PRKG1: variants seen among roughly 807,000 people sequenced by gnomAD.
PRKG1 encodes the protein protein kinase cGMP-dependent 1.
A neutral mutation model predicts 88.1 loss-of-function variants in PRKG1; 35 were observed. That is an observed-to-expected ratio of 0.40 (90% CI 0.30 to 0.53). PRKG1 has a LOEUF of 0.53. Among genes scored for constraint, PRKG1 ranks in the 20% least tolerant of loss-of-function variants. The pLI, the probability that PRKG1 is intolerant of heterozygous loss-of-function variation, is 0.59. For synonymous variants in PRKG1, 303 were observed against 292.5 expected (o/e 1.04, Z -0.37); for missense variants, 540 against 839.8 (o/e 0.64, Z 4.41).
intron 3 of PRKG1, among the ~76,000 whole-genome samples, chr10:51,630,405 C>A (rs1197369238): frequency 6.6e-6 from 1 of 152,190 alleles, no homozygotes; most frequent in Admixed American, 6.5e-5. Flanking sequence ...GAAGCAACCT[C>A]TTTGACCTGG....
chr10:51,598,659 A>G (rs753917606), intron 3 of PRKG1, among the ~76,000 whole-genome samples: 1 of 152,338 alleles, frequency 6.6e-6, no homozygotes, highest in African/African-American at 2.4e-5. Flanking sequence ...TAAAATATTC[A>G]GTGGTCCCAG....
intron 3 of PRKG1, among the ~76,000 whole-genome samples, chr10:51,551,733 G>A (rs1837140878): frequency 1.3e-5 from 2 of 151,818 alleles, no homozygotes; most frequent in Non-Finnish European, 3.0e-5. Flanking sequence ...ACTAATAATT[G>A]AGTGAGACTC....
At chr10:51,118,429 G>T (rs1431517382) in intron 1 of PRKG1, among the ~76,000 whole-genome samples, 1 of 152,086 alleles carries the variant, frequency 6.6e-6, no homozygotes, top group Non-Finnish European at 1.5e-5. Flanking sequence ...TAAAAGTAAT[G>T]TTTGAATTCA....
intron 5 of PRKG1, among the ~76,000 whole-genome samples, chr10:51,913,020 C>T (rs1252493159): frequency 1.3e-5 from 2 of 152,068 alleles, no homozygotes; most frequent in Admixed American, 1.3e-4. Context: ...CCTTCATCGC[C>T]CCGTTTCAAG....
chr10:51,702,463 A>T (rs1005501990), intron 3 of PRKG1, among the ~76,000 whole-genome samples: 1 of 152,180 alleles, frequency 6.6e-6, no homozygotes, highest in Non-Finnish European at 1.5e-5. Flanking sequence ...AAGAACATCC[A>T]TTTTTATACT....
intron 2 of PRKG1, among the ~76,000 whole-genome samples, chr10:51,228,070 T>C (rs954038510): frequency 1.3e-5 from 2 of 152,194 alleles, no homozygotes; most frequent in African/African-American, 2.4e-5. Context: ...GACCTAGACT[T>C]CAGATTTACA....
intron 2 of PRKG1, among the ~76,000 whole-genome samples, chr10:51,199,983 A>G (rs1356552065): frequency 1.3e-5 from 2 of 152,188 alleles, no homozygotes; most frequent in African/African-American, 4.8e-5. Context: ...TTAACAATAT[A>G]AGTCGGGTAA....
In PRKG1 at chr10:51,785,029, CT is replaced by C. The variant is rs549186325; in HGVS notation, c.593-19553del. ...CTAGGGTTGTTATTCTTTCTTCCTT[CT>C]TTAGGCCATAAAATTGCAATTTGAT... On this transcript the variant is annotated intron_variant, in intron 3 of 17. Coordinates refer to ENST00000373980, the MANE Select transcript of PRKG1 (RefSeq NM_006258.4). 4.0e-4 allele frequency among the ~76,000 whole-genome samples: 61 copies of C among 151,170 alleles called. No homozygotes were observed. In the South Asian group the frequency reaches 0.012, roughly 31 times the overall value.
intron 3 of PRKG1, among the ~76,000 whole-genome samples, chr10:51,534,071 T>C (rs763953144): frequency 2.0e-5 from 3 of 152,052 alleles, no homozygotes; most frequent in Non-Finnish European, 2.9e-5. Context: ...GAAATAGGAT[T>C]TGGGCCAAAG....
intron 1 of PRKG1, among the ~76,000 whole-genome samples, chr10:51,080,425 G>C (rs1844077640): frequency 7.1e-6 from 1 of 140,486 alleles, no homozygotes; most frequent in South Asian, 2.1e-4. Context: ...AGGTTATAAG[G>C]CATATGGACA....
intron 2 of PRKG1, among the ~76,000 whole-genome samples, chr10:51,361,936 A>G (rs1842489864): frequency 6.6e-6 from 1 of 151,858 alleles, no homozygotes; most frequent in Non-Finnish European, 1.5e-5. Context: ...GAAACATAGC[A>G]TTATTTAGAA....
At chr10:51,299,416 G>C (rs532275477) in intron 2 of PRKG1, among the ~76,000 whole-genome samples, 1 of 152,208 alleles carries the variant, frequency 6.6e-6, no homozygotes, top group South Asian at 2.1e-4. Context: ...ATGTTGGCCA[G>C]GCTGGTCTTG....
At chr10:51,748,073 C>T (rs1837626166) in intron 3 of PRKG1, among the ~76,000 whole-genome samples, 1 of 152,076 alleles carries the variant, frequency 6.6e-6, no homozygotes, top group African/African-American at 2.4e-5. Flanking sequence ...AATATGATTA[C>T]CAAGTATATA....
Position 52,280,938 on chromosome 10 carries a change from C to T in PRKG1, c.1545+8C>T, listed in dbSNP as rs1183632417. 1 of 1,611,396 alleles carries T rather than the reference C, an allele frequency of 6.2e-7. No individual in the cohort carries two copies. The highest frequency in any genetic ancestry group is 2.2e-5 in the East Asian group (1 of 44,816). ...CGAGGTTATGCCAAACTGGTCAGTG[C>T]ATTTCATACGTGCTTTCTGCCCTGC... On this transcript the variant is annotated splice_region_variant and intron_variant, in intron 13 of 17. Transcript: ENST00000373980.
intron 5 of PRKG1, among the ~76,000 whole-genome samples, chr10:51,984,999 C>A (rs924703879): frequency 6.6e-6 from 1 of 152,092 alleles, no homozygotes; most frequent in Non-Finnish European, 1.5e-5. Context: ...TATTAGATTG[C>A]AAGCCACCTA....
intron 2 of PRKG1, among the ~76,000 whole-genome samples, chr10:51,279,330 T>C (rs1204979718): frequency 6.6e-6 from 1 of 152,224 alleles, no homozygotes; most frequent in Non-Finnish European, 1.5e-5. Context: ...CAGTTTGTTA[T>C]AATTTCTGTT....
chr10:51,706,157 T>C (rs889694363), intron 3 of PRKG1, among the ~76,000 whole-genome samples: 1 of 152,244 alleles, frequency 6.6e-6, no homozygotes, highest in Non-Finnish European at 1.5e-5. Context: ...AGCATCCAGT[T>C]AGTTAAAGCA....
chr10:51,073,069 AT>A (rs1211027702), upstream of PRKG1, among the ~76,000 whole-genome samples: 1 of 152,218 alleles, frequency 6.6e-6, no homozygotes, highest in Non-Finnish European at 1.5e-5. Flanking sequence ...ATGCTATAAA[AT>A]TGGATGAGTT....
intron 5 of PRKG1, among the ~76,000 whole-genome samples, chr10:51,993,437 C>T (rs1013350921): frequency 6.6e-6 from 1 of 151,966 alleles, no homozygotes; most frequent in African/African-American, 2.4e-5. Context: ...TAATAAAAGC[C>T]CCCACTTATT....
Sources: gnomAD v4.1 joint callset for allele counts (sites outside exome capture counted in the v4.1 genomes callset) on GRCh38, gnomAD v4.1.1 for gene constraint, MANE v1.5 for transcripts, NCBI Gene and HGNC (gene_info 2026-07-23, HGNC 2026-07-21) for gene names.